Variants in SGCZ observed in about 807,000 individuals in gnomAD.
The protein encoded by SGCZ is zeta-sarcoglycan.
Under a neutral mutation model 41.3 loss-of-function variants are expected in SGCZ, and 40 were observed. That is an observed-to-expected ratio of 0.97 (90% confidence interval 0.75 to 1.26). SGCZ has a LOEUF of 1.26. Ranked by LOEUF, SGCZ falls within the 50% of genes most tolerant of loss-of-function variation. The pLI, the probability that SGCZ is intolerant of heterozygous loss-of-function variation, is 0.00. For synonymous variants in SGCZ, 206 were observed against 137.5 expected, an observed-to-expected ratio of 1.50 and a Z score of -3.49; for missense variants, 552 against 369.8, an observed-to-expected ratio of 1.49 and a Z score of -4.04.
intron 1 of SGCZ, among the ~76,000 whole-genome samples, chr8:14,736,912 GATAC>G (rs1364380900): frequency 6.6e-6 from 1 of 151,842 alleles, no homozygotes; most frequent in African/African-American, 2.4e-5. Context: ...ATACAAAAAA[GATAC>G]TTGCACATGC....
At chr8:14,263,648 T>C (rs1047998114) in intron 3 of SGCZ, among the ~76,000 whole-genome samples, 51 of 152,090 alleles carry the variant, frequency 3.4e-4, no homozygotes, top group African/African-American at 9.9e-4. Context: ...GACCCTCCAG[T>C]GATCATCTAC....
intron 1 of SGCZ, among the ~76,000 whole-genome samples, chr8:14,581,899 T>C (rs1804902192): frequency 6.6e-6 from 1 of 152,174 alleles, no homozygotes; most frequent in Admixed American, 6.5e-5. Flanking sequence ...ATGGACACAC[T>C]TATAAGCAGA....
chr8:14,982,990 G>A (rs1358174782), intron 1 of SGCZ, among the ~76,000 whole-genome samples: 2 of 152,134 alleles, frequency 1.3e-5, no homozygotes, highest in African/African-American at 4.8e-5. Flanking sequence ...TAGCTATTTG[G>A]CCTGGAGTAA....
chr8:14,159,116 C>G (rs886263999), intron 5 of SGCZ, among the ~76,000 whole-genome samples: 1 of 152,052 alleles, frequency 6.6e-6, no homozygotes, highest in African/African-American at 2.4e-5. Context: ...TCAGACTATT[C>G]ATTGATACAT....
At chr8:15,088,350 T>G (rs1240231049) in intron 1 of SGCZ, among the ~76,000 whole-genome samples, 6 of 152,136 alleles carry the variant, frequency 3.9e-5, no homozygotes, top group African/African-American at 1.4e-4. Flanking sequence ...ATTATTTAAT[T>G]TTCTACTGTC....
intron 1 of SGCZ, among the ~76,000 whole-genome samples, chr8:14,603,124 C>T (rs1018206724): frequency 6.6e-6 from 1 of 152,134 alleles, no homozygotes; most frequent in African/African-American, 2.4e-5. Context: ...GGAGTGCATT[C>T]TCAGGCTATG....
intron 1 of SGCZ, among the ~76,000 whole-genome samples, chr8:14,667,603 T>C (rs901719923): frequency 2.6e-5 from 4 of 152,208 alleles, no homozygotes; most frequent in Admixed American, 1.3e-4. Context: ...AAGCCAAATG[T>C]TGTGGATTTA....
chr8:14,779,118 C>T (rs978016139), intron 1 of SGCZ, among the ~76,000 whole-genome samples: 4 of 152,158 alleles, frequency 2.6e-5, no homozygotes, highest in Non-Finnish European at 5.9e-5. Context: ...AACATAGTCC[C>T]GTGATCCTTG....
chr8:14,311,059 C>T (rs543897569), intron 3 of SGCZ, among the ~76,000 whole-genome samples: 11 of 152,188 alleles, frequency 7.2e-5, no homozygotes, highest in South Asian at 6.2e-4. Flanking sequence ...CCTGGACAAA[C>T]GATGTCTTTT....
chr8:14,618,125 A>G (rs1806165855), intron 1 of SGCZ, among the ~76,000 whole-genome samples: 1 of 152,172 alleles, frequency 6.6e-6, no homozygotes, highest in Non-Finnish European at 1.5e-5. Flanking sequence ...GCCATGCACT[A>G]TTCTAGATAC....
chr8:14,234,260 AGTGAGTCAG>A (rs1203774707), intron 4 of SGCZ, among the ~76,000 whole-genome samples: 2 of 152,082 alleles, frequency 1.3e-5, no homozygotes, highest in East Asian at 3.8e-4. Flanking sequence ...AAATTCTATC[AGTGAGTCAG>A]GATTAGAATT....
At chr8:15,047,854 T>A (rs1390553456) in intron 1 of SGCZ, among the ~76,000 whole-genome samples, 1 of 152,028 alleles carries the variant, frequency 6.6e-6, no homozygotes, top group African/African-American at 2.4e-5. Flanking sequence ...GGTGAAGATG[T>A]GGAGAAAATG....
chr8:15,124,263 G>A (rs1489277430), intron 1 of SGCZ, among the ~76,000 whole-genome samples: 1 of 152,150 alleles, frequency 6.6e-6, no homozygotes, highest in Non-Finnish European at 1.5e-5. Flanking sequence ...TATTTTAAAA[G>A]TAAGTCTTCT....
chr8:15,096,139 G>C (rs1374129821), intron 1 of SGCZ, among the ~76,000 whole-genome samples: 1 of 151,908 alleles, frequency 6.6e-6, no homozygotes, highest in Admixed American at 6.6e-5. Flanking sequence ...GTGCAATGAT[G>C]CAATCTCGGC....
chr8:14,113,872 A>G (rs1443077254), intron 5 of SGCZ, among the ~76,000 whole-genome samples: 3 of 152,050 alleles, frequency 2.0e-5, no homozygotes, highest in Non-Finnish European at 2.9e-5. Flanking sequence ...ACAACTCATG[A>G]GAACCCCTTC....
At position 14,937,339 on chromosome 8, in the gene SGCZ, G is replaced by A. The variant is rs192885131; in HGVS notation, c.39+300246C>T. ...CCAACATCAAATAGTGAATAGATGG[G>A]AAAACTGAATTCTTATGAACATTAG... On this transcript the variant is annotated intron_variant, in intron 1 of 7. Coordinates refer to ENST00000382080, the MANE Select transcript of SGCZ (RefSeq NM_139167.4). Among the ~76,000 whole-genome samples the A allele has an allele frequency of 5.8e-3, 876 of 152,104 alleles. 6 individuals carry two copies. The highest frequency in any genetic ancestry group is 9.5e-3 in the Non-Finnish European group (643 of 67,888).
intron 1 of SGCZ, among the ~76,000 whole-genome samples, chr8:14,616,732 T>C (rs1212403275): frequency 1.3e-5 from 2 of 152,056 alleles, no homozygotes; most frequent in African/African-American, 4.8e-5. Flanking sequence ...TATAACCAGA[T>C]CCCAATTTAA....
At chr8:14,243,313 A>T (rs1036987976) in intron 3 of SGCZ, among the ~76,000 whole-genome samples, 1 of 152,160 alleles carries the variant, frequency 6.6e-6, no homozygotes, top group Non-Finnish European at 1.5e-5. Flanking sequence ...CAGTTCCTCT[A>T]ATCTTCCTAA....
In SGCZ at chr8:15,054,412, G is replaced by C. The variant is rs17120805; in HGVS notation, c.39+183173C>G. Among the ~76,000 whole-genome samples, 32 of 152,006 alleles carry C rather than the reference G, an allele frequency of 2.1e-4. 1 individual carries two copies. In the East Asian group the frequency reaches 2.5e-3, roughly 12 times the overall value. ...AGCTTATATGCCAGTGCAGATCCTG[G>C]TGTCACCCCCACACCACACAGGTAA... On this transcript the variant is annotated intron_variant, in intron 1 of 7. Transcript: ENST00000382080.
Sources: gnomAD v4.1 joint callset for allele counts (sites outside exome capture counted in the v4.1 genomes callset) on GRCh38, gnomAD v4.1.1 for gene constraint, MANE v1.5 for transcripts, NCBI Gene and HGNC (gene_info 2026-07-23, HGNC 2026-07-21) for gene names.